VAV3: variants seen among roughly 807,000 people sequenced by gnomAD.
The protein encoded by VAV3 is vav guanine nucleotide exchange factor 3, also known as guanine nucleotide exchange factor VAV3.
Under a neutral mutation model 131.2 loss-of-function variants are expected in VAV3, and 94 were observed. The ratio of observed to expected loss-of-function variants is 0.72; its 90% confidence interval spans 0.61 to 0.85. The LOEUF (loss-of-function observed/expected upper bound fraction) is 0.85. Among genes scored for constraint, VAV3 ranks in the 40% least tolerant of loss-of-function variants. The pLI, the probability that VAV3 is intolerant of heterozygous loss-of-function variation, is 0.00. For missense variants in VAV3, 939 were observed against 1,002.7 expected (o/e 0.94, Z 0.86); for synonymous variants, 349 against 342.0 (o/e 1.02, Z -0.22).
intron 2 of VAV3, among the ~76,000 whole-genome samples, chr1:107,825,650 C>T (rs1667979319): frequency 6.6e-6 from 1 of 152,098 alleles, no homozygotes; most frequent in Admixed American, 6.6e-5. Flanking sequence ...ACCTTTCCTA[C>T]CCCAATGCCT....
intron 9 of VAV3, among the ~76,000 whole-genome samples, chr1:107,764,204 T>G (rs1053417854): frequency 3.9e-5 from 6 of 152,166 alleles, no homozygotes; most frequent in Non-Finnish European, 8.8e-5. Flanking sequence ...TCGGCCTACG[T>G]GCCACCTCTC....
intron 1 of VAV3, among the ~76,000 whole-genome samples, chr1:107,955,200 G>A (rs1674747369): frequency 6.6e-6 from 1 of 151,868 alleles, no homozygotes; most frequent in Admixed American, 6.6e-5. Context: ...CAGACAGATA[G>A]ACAGGTTTAG....
intron 13 of VAV3, among the ~76,000 whole-genome samples, chr1:107,750,385 A>C (rs1663637495): frequency 6.6e-6 from 1 of 152,220 alleles, no homozygotes. Context: ...ACATCATCCA[A>C]TACCAATACT....
At chr1:107,686,014 T>C (rs907718873) in intron 18 of VAV3, 19 of 10,864 alleles carry the variant, frequency 1.7e-3, no homozygotes, top group African/African-American at 7.3e-3. Flanking sequence ...TACCTAACAA[T>C]GGTGGGCTGG....
At position 107,635,673 on chromosome 1, in the gene VAV3, G is replaced by C. The variant is rs189515984; in HGVS notation, c.1914+6946C>G. ...ACTGAAACACTGCCACAAATTTGAT[G>C]GTGACAGTGAAAGAAACTCACAAAA... On this transcript the variant is annotated intron_variant, in intron 20 of 26. Transcript: ENST00000370056. Among the ~76,000 whole-genome samples the C allele has an allele frequency of 6.0e-4, 91 of 152,178 alleles. 1 individual carries two copies. In the Middle Eastern group the frequency reaches 0.027, roughly 46 times the overall value.
intron 2 of VAV3, among the ~76,000 whole-genome samples, chr1:107,792,921 A>T (rs1666364283): frequency 6.6e-6 from 1 of 152,150 alleles, no homozygotes; most frequent in South Asian, 2.1e-4. Flanking sequence ...ATAATAATAT[A>T]CAGGACATTA....
At chr1:107,739,025 A>G (rs1024047248) in intron 15 of VAV3, among the ~76,000 whole-genome samples, 2 of 152,190 alleles carry the variant, frequency 1.3e-5, no homozygotes, top group African/African-American at 4.8e-5. Flanking sequence ...GGAAACAAAC[A>G]CTAATTCAGC....
intron 15 of VAV3, among the ~76,000 whole-genome samples, chr1:107,713,714 C>T (rs77841908): frequency 0.012 from 1,764 of 152,148 alleles, 25 homozygotes; most frequent in East Asian, 0.061. Context: ...ATGTCTTCAA[C>T]GACATCCTTA....
intron 2 of VAV3, among the ~76,000 whole-genome samples, chr1:107,840,232 T>C (rs999584898): frequency 3.9e-5 from 6 of 152,216 alleles, no homozygotes; most frequent in Non-Finnish European, 8.8e-5. Context: ...AATGTTACAG[T>C]GTTAGCAGTG....
intron 1 of VAV3, among the ~76,000 whole-genome samples, chr1:107,886,184 C>T (rs897814326): frequency 6.6e-6 from 1 of 152,240 alleles, no homozygotes; most frequent in Non-Finnish European, 1.5e-5. Context: ...CTCCTACAAA[C>T]AACTTACAAT....
chr1:107,574,657 G>A (rs78066433), intron 25 of VAV3, among the ~76,000 whole-genome samples: 2,641 of 152,204 alleles, frequency 0.017, 31 homozygotes, highest in Non-Finnish European at 0.026. Context: ...TCAAAACAAC[G>A]AAATATTTTG....
chr1:107,911,013 C>A (rs1223397758), intron 1 of VAV3, among the ~76,000 whole-genome samples: 7 of 151,190 alleles, frequency 4.6e-5, no homozygotes, highest in East Asian at 3.9e-4. Context: ...AAAAAAAAAG[C>A]AAGGTAGGCT....
chr1:107,960,968 A>C (rs1675054309), intron 1 of VAV3, among the ~76,000 whole-genome samples: 1 of 151,412 alleles, frequency 6.6e-6, no homozygotes, highest in East Asian at 1.9e-4. Flanking sequence ...TATATAAATA[A>C]ATTATACAGT....
At chr1:107,816,636 T>C (rs1667572331) in intron 2 of VAV3, among the ~76,000 whole-genome samples, 1 of 152,228 alleles carries the variant, frequency 6.6e-6, no homozygotes, top group Non-Finnish European at 1.5e-5. Flanking sequence ...CTTGACTCAT[T>C]TATTTTTGCT....
chr1:107,952,896 T>C (rs532402140), intron 1 of VAV3, among the ~76,000 whole-genome samples: 5 of 152,302 alleles, frequency 3.3e-5, no homozygotes, highest in African/African-American at 4.8e-5. Flanking sequence ...AGAGGGGCTA[T>C]AAAATTACCA....
intron 1 of VAV3, among the ~76,000 whole-genome samples, chr1:107,900,954 A>G (rs1416876401): frequency 6.6e-6 from 1 of 152,206 alleles, no homozygotes; most frequent in Non-Finnish European, 1.5e-5. Context: ...TTTTACGTAA[A>G]TAAGATTTTT....
At chr1:107,683,666 G>A in intron 18 of VAV3, 133 bp from the exon 19 acceptor site, 1 of 867,988 alleles carries the variant, frequency 1.2e-6, no homozygotes, top group Non-Finnish European at 1.9e-6. Context: ...GACTAAATTT[G>A]ATCAGAATAT....
rs1649364528 is a variant in VAV3, at chr1:107,573,051, G to A, written c.*280C>T. On this transcript the variant is annotated 3_prime_UTR_variant, in exon 27 of 27. Transcript: ENST00000370056. Reference sequence around the variant, plus strand: ...GGAAGCACGAACCAATGTGTTTGCAGGGCTCTTCTGGGAAGAACAGCTCTT... The same window carrying A: ...GGAAGCACGAACCAATGTGTTTGCAAGGCTCTTCTGGGAAGAACAGCTCTT... The A allele has an allele frequency of 2.4e-6, 1 of 417,988 alleles. No individual in the cohort carries two copies. The highest frequency in any genetic ancestry group is 2.0e-5 in the African/African-American group (1 of 48,842). The allele number at this position is 417,988 out of a possible 1,614,324, so 25.9% of individuals were successfully genotyped here.
At chr1:107,733,618 A>G (rs1662399788) in intron 15 of VAV3, among the ~76,000 whole-genome samples, 2 of 152,232 alleles carry the variant, frequency 1.3e-5, no homozygotes, top group African/African-American at 2.4e-5. Flanking sequence ...AGCCGATTCA[A>G]TCAAGTGGAA....
Sources: allele counts gnomAD v4.1 joint callset (sites outside exome capture counted in the v4.1 genomes callset), GRCh38; gene constraint gnomAD v4.1.1; transcripts MANE v1.5; gene names NCBI Gene and HGNC (gene_info 2026-07-23, HGNC 2026-07-21).